The following MAGI2 variants were observed in gnomAD, a reference collection of about 807,000 sequenced individuals.
MAGI2 encodes the protein membrane associated guanylate kinase, WW and PDZ domain containing 2, also known as membrane-associated guanylate kinase, WW and PDZ domain-containing protein 2.
Under a neutral mutation model 133.3 loss-of-function variants are expected in MAGI2, and 35 were observed. That is an observed-to-expected ratio of 0.26 (90% CI 0.20 to 0.35). The LOEUF is 0.35. MAGI2 is among the 10% of genes least tolerant of loss of function. The pLI, the probability that MAGI2 is intolerant of heterozygous loss-of-function variation, is 1.00. For synonymous variants in MAGI2, 729 were observed against 710.6 expected, an observed-to-expected ratio of 1.03 and a Z score of -0.41; for missense variants, 1,636 against 1,863.4, an observed-to-expected ratio of 0.88 and a Z score of 2.25.
chr7:79,256,617 A>T (rs551921802), intron 1 of MAGI2, among the ~76,000 whole-genome samples: 27 of 149,492 alleles, frequency 1.8e-4, no homozygotes, highest in Non-Finnish European at 3.4e-4. Context: ...CGATCTCCCC[A>T]GTAGCTGGGA....
intron 1 of MAGI2, among the ~76,000 whole-genome samples, chr7:79,438,142 G>A (rs12535485): frequency 0.095 from 14,453 of 152,020 alleles, 702 homozygotes; most frequent in African/African-American, 0.12. Flanking sequence ...TACACTGAAG[G>A]TCCAACAATC....
intron 21 of MAGI2, among the ~76,000 whole-genome samples, chr7:78,040,265 A>G (rs972647644): frequency 1.3e-5 from 2 of 152,136 alleles, no homozygotes; most frequent in Non-Finnish European, 2.9e-5. Context: ...CTTCCTTTGG[A>G]TCACCTTGCA....
At chr7:79,245,458 C>T (rs967769525) in intron 1 of MAGI2, among the ~76,000 whole-genome samples, 3 of 152,256 alleles carry the variant, frequency 2.0e-5, no homozygotes, top group African/African-American at 7.2e-5. Flanking sequence ...CGGAAGGGCC[C>T]TTGGTCCTTG....
intron 1 of MAGI2, among the ~76,000 whole-genome samples, chr7:79,214,748 A>AAAGG (rs1829867618): frequency 7.1e-6 from 1 of 141,380 alleles, no homozygotes; most frequent in African/African-American, 2.6e-5. Context: ...TAAATATATA[A>AAAGG]ATACATATAT....
intron 2 of MAGI2, among the ~76,000 whole-genome samples, chr7:78,742,635 G>C (rs946252077): frequency 6.6e-6 from 1 of 152,162 alleles, no homozygotes. Context: ...ATGTAAAGAT[G>C]TATTTTCCAA....
At chr7:79,226,373 T>TC (rs1830857613) in intron 1 of MAGI2, among the ~76,000 whole-genome samples, 1 of 152,072 alleles carries the variant, frequency 6.6e-6, no homozygotes, top group Admixed American at 6.5e-5. Flanking sequence ...GGCACCCCAA[T>TC]CCCCATCATA....
At chr7:78,880,871 T>C (rs1368920665) in intron 2 of MAGI2, among the ~76,000 whole-genome samples, 4 of 152,058 alleles carry the variant, frequency 2.6e-5, no homozygotes, top group Non-Finnish European at 4.4e-5. Context: ...AGTAAAGAAT[T>C]GGACAAAGAT....
At chr7:78,665,632 T>C (rs1389427610) in intron 2 of MAGI2, among the ~76,000 whole-genome samples, 1 of 152,118 alleles carries the variant, frequency 6.6e-6, no homozygotes, top group Non-Finnish European at 1.5e-5. Context: ...TAGTGGTTCT[T>C]AAAAACAAGA....
At chr7:79,306,295 TTATATGCATATATATTTTATA>T (rs1837802014) in intron 1 of MAGI2, among the ~76,000 whole-genome samples, 1 of 146,222 alleles carries the variant, frequency 6.8e-6, no homozygotes, top group Non-Finnish European at 1.5e-5. Context: ...TATATATTAT[TTATATGCATATATATTTTATA>T]TATATGTGTA....
At chr7:78,089,953 C>T (rs773608685) in intron 20 of MAGI2, among the ~76,000 whole-genome samples, 11 of 152,176 alleles carry the variant, frequency 7.2e-5, no homozygotes, top group Non-Finnish European at 1.6e-4. Context: ...GGACCTTGTC[C>T]CTGTGACCTT....
intron 1 of MAGI2, among the ~76,000 whole-genome samples, chr7:79,285,070 T>C (rs1018947199): frequency 1.3e-5 from 2 of 152,064 alleles, no homozygotes; most frequent in Non-Finnish European, 1.5e-5. Flanking sequence ...ATGCCCATAA[T>C]AGAATGACTC....
At chr7:78,242,993 G>GC (rs1189190868) in intron 10 of MAGI2, among the ~76,000 whole-genome samples, 1 of 152,054 alleles carries the variant, frequency 6.6e-6, no homozygotes, top group Non-Finnish European at 1.5e-5. Context: ...GATCGCTTGA[G>GC]CCCAGGAGGT....
At chr7:79,379,175 T>C (rs1843610399) in intron 1 of MAGI2, among the ~76,000 whole-genome samples, 1 of 147,884 alleles carries the variant, frequency 6.8e-6, no homozygotes, top group East Asian at 2.1e-4. Context: ...AGTGTTCTCA[T>C]TGTTCAATTC....
intron 2 of MAGI2, among the ~76,000 whole-genome samples, chr7:78,799,490 G>A (rs559815988): frequency 5.5e-4 from 83 of 152,176 alleles, no homozygotes; most frequent in African/African-American, 1.2e-3. Flanking sequence ...AATGGGTTTC[G>A]TTATCAACCT....
At chr7:79,405,801 A>C (rs2129167037) in intron 1 of MAGI2, among the ~76,000 whole-genome samples, 1 of 151,968 alleles carries the variant, frequency 6.6e-6, no homozygotes, top group Non-Finnish European at 1.5e-5. Flanking sequence ...CCTTTTCTTG[A>C]TGATTGACTG....
chr7:78,689,682 C>CTTTTTTTTTTTTTTTTTTTTTTT (rs200333526), intron 2 of MAGI2, among the ~76,000 whole-genome samples: 5 of 92,018 alleles, frequency 5.4e-5, no homozygotes, highest in East Asian at 3.8e-4. Flanking sequence ...TTGGATCTGG[C>CTTTTTTTTTTTTTTTTTTTTTTT]TTTTTTTTTT....
At chr7:78,110,303 G>GTTGT (rs1819225329) in intron 20 of MAGI2, among the ~76,000 whole-genome samples, 1 of 152,112 alleles carries the variant, frequency 6.6e-6, no homozygotes, top group Admixed American at 6.5e-5. Context: ...TTCCACAAGA[G>GTTGT]ACTAATTCAG....
chr7:79,270,880 C>A (rs536970180), intron 1 of MAGI2, among the ~76,000 whole-genome samples: 1 of 152,110 alleles, frequency 6.6e-6, no homozygotes, highest in South Asian at 2.1e-4. Context: ...CCTGTTATTT[C>A]AGCTACATTT....
chr7:78,785,893 C>G (rs1583882282), intron 2 of MAGI2, among the ~76,000 whole-genome samples: 3 of 152,272 alleles, frequency 2.0e-5, no homozygotes, highest in Admixed American at 6.5e-5. Flanking sequence ...TCTGCCTGGA[C>G]ACTTCCTTGG....
Sources: gnomAD v4.1 joint callset for allele counts (sites outside exome capture counted in the v4.1 genomes callset) on GRCh38, gnomAD v4.1.1 for gene constraint, MANE v1.5 for transcripts, NCBI Gene and HGNC (gene_info 2026-07-23, HGNC 2026-07-21) for gene names.